The following TTC7A variants were observed in gnomAD, a reference collection of about 807,000 sequenced individuals.
TTC7A encodes the protein tetratricopeptide repeat domain 7A, also known as tetratricopeptide repeat protein 7A.
In TTC7A, 110 loss-of-function variants were observed where a neutral mutation model predicts 103.7. The observed-to-expected ratio is 1.06, with a 90% CI of 0.91 to 1.24. The LOEUF (loss-of-function observed/expected upper bound fraction) is 1.24, where lower values mean the gene tolerates loss of function less well. Ranked by LOEUF, TTC7A falls within the 50% of genes most tolerant of loss-of-function variation. The probability of loss-of-function intolerance (pLI) is 0.00; values close to 1 mark genes in which losing one functional copy is unlikely to be tolerated. For synonymous variants in TTC7A, 521 were observed against 467.9 expected (o/e 1.11, Z -1.47); for missense variants, 1,340 against 1,116.3 (o/e 1.20, Z -2.86).
intron 2 of TTC7A, among the ~76,000 whole-genome samples, chr2:46,935,241 A>T (rs1669919207): frequency 6.6e-6 from 1 of 152,006 alleles, no homozygotes; most frequent in Non-Finnish European, 1.5e-5. Flanking sequence ...CTCATTACAA[A>T]TGTGAGCCAT....
At chr2:47,055,052 G>T (rs1320485226) in intron 18 of TTC7A, among the ~76,000 whole-genome samples, 1 of 152,006 alleles carries the variant, frequency 6.6e-6, no homozygotes, top group Non-Finnish European at 1.5e-5. Flanking sequence ...CCAAGCACCT[G>T]TTGAATGGAG....
At chr2:46,926,999 A>C (rs768982073) in intron 2 of TTC7A, among the ~76,000 whole-genome samples, 20 of 152,258 alleles carry the variant, frequency 1.3e-4, no homozygotes, top group Non-Finnish European at 2.1e-4. Context: ...CAGTTTAGAC[A>C]CACGAAAAGA....
intron 1 of TTC7A, among the ~76,000 whole-genome samples, chr2:46,943,871 G>A (rs1670688504): frequency 6.6e-6 from 1 of 152,204 alleles, no homozygotes; most frequent in South Asian, 2.1e-4. Context: ...AGCGGTGTCT[G>A]ATATTTCCTA....
chr2:47,051,018 G>A (rs535885773), intron 17 of TTC7A, among the ~76,000 whole-genome samples: 7 of 152,266 alleles, frequency 4.6e-5, no homozygotes, highest in African/African-American at 1.2e-4. Flanking sequence ...GTCCTGAACC[G>A]GAGCCCATGT....
intron 18 of TTC7A, among the ~76,000 whole-genome samples, chr2:47,057,067 G>T (rs1683382470): frequency 6.6e-6 from 1 of 152,242 alleles, no homozygotes; most frequent in South Asian, 2.1e-4. Context: ...GTGGGTGGAT[G>T]CGGCGCCCCA....
chr2:46,987,809 CGTGTGTGT>C lies in TTC7A; in HGVS notation c.765-5614_765-5607del, dbSNP rs34664382. Among the ~76,000 whole-genome samples, 1,015 of 144,642 alleles carry C rather than the reference CGTGTGTGT, an allele frequency of 7.0e-3. 6 individuals carry two copies. The highest frequency in any genetic ancestry group is 7.4e-3 in the Admixed American group (108 of 14,578). The allele number at this position is 144,642 out of a possible 152,430, so 94.9% of individuals were successfully genotyped here. ...GGTGAAAGCACTGTCCCTTTCCGCG[CGTGTGTGT>C]GTGTGTGTGTGTGTGTGTGTGTGTG... On this transcript the variant is annotated intron_variant, in intron 5 of 19. Transcript: ENST00000319190.
intron 5 of TTC7A, among the ~76,000 whole-genome samples, chr2:46,984,204 G>A (rs1223145541): frequency 6.6e-6 from 1 of 152,232 alleles, no homozygotes; most frequent in East Asian, 1.9e-4. Context: ...CTTAGCTGGC[G>A]GTCTTATCTG....
intron 11 of TTC7A, among the ~76,000 whole-genome samples, chr2:47,015,456 A>G (rs1340258345): frequency 6.6e-6 from 1 of 152,158 alleles, no homozygotes; most frequent in Non-Finnish European, 1.5e-5. Flanking sequence ...GGTAGTGGAA[A>G]AGTGCATAGG....
At chr2:46,948,952 G>C (rs1671166016) in intron 1 of TTC7A, among the ~76,000 whole-genome samples, 1 of 152,188 alleles carries the variant, frequency 6.6e-6, no homozygotes. Flanking sequence ...CGATCCTGAT[G>C]GCTTCGCTGT....
intron 10 of TTC7A, among the ~76,000 whole-genome samples, chr2:47,008,498 A>G (rs1677668757): frequency 6.6e-6 from 1 of 152,196 alleles, no homozygotes; most frequent in Admixed American, 6.5e-5. Context: ...GCTCCTTCAC[A>G]GACCAGCAAG....
intron 5 of TTC7A, among the ~76,000 whole-genome samples, chr2:46,987,807 C>CGAGAGTGT (rs1234466462): frequency 1.8e-5 from 2 of 110,040 alleles, no homozygotes; most frequent in African/African-American, 6.9e-5. Flanking sequence ...TCCCTTTCCG[C>CGAGAGTGT]GCGTGTGTGT....
intron 8 of TTC7A, 137 bp downstream of exon 8, chr2:46,995,336 G>T: frequency 1.2e-6 from 1 of 841,712 alleles, no homozygotes; most frequent in South Asian, 1.6e-5. Context: ...ATGCTTCTTG[G>T]CCCTGGGCCC....
In TTC7A at chr2:46,941,715, T is replaced by A; in HGVS notation, c.174T>A (p.Phe58Leu). ...RRGSPSAAFT[F>L]PDTDDFGKLL... ...GCAGCCCGAGCGCAGCGTTCACCTTTCCGGACACCGGTGAGTAAGGGAAGA... is the reference window on the plus strand; with the variant it reads ...GCAGCCCGAGCGCAGCGTTCACCTTACCGGACACCGGTGAGTAAGGGAAGA... The change falls in exon 1 of 20, where the codon TTT becomes TTA. Residue 58 changes from phenylalanine to leucine, a missense_variant. Coordinates refer to ENST00000319190, the MANE Select transcript of TTC7A (RefSeq NM_020458.4). The surrounding 1 kb of genome is among the most constrained non-coding windows in gnomAD (Gnocchi z 4.2). The A allele has an allele frequency of 6.5e-7, 1 of 1,550,238 alleles. No individual in the cohort carries two copies. The highest frequency in any genetic ancestry group is 8.7e-7 in the Non-Finnish European group (1 of 1,147,134).
intron 19 of TTC7A, among the ~76,000 whole-genome samples, chr2:47,072,786 T>C (rs1684875322): frequency 7.4e-6 from 1 of 135,624 alleles, no homozygotes; most frequent in Non-Finnish European, 1.6e-5. Flanking sequence ...GAAGCAACCT[T>C]TGTGGGACCT....
intron 1 of TTC7A, among the ~76,000 whole-genome samples, chr2:46,948,961 G>C (rs1671166988): frequency 6.6e-6 from 1 of 152,238 alleles, no homozygotes; most frequent in African/African-American, 2.4e-5. Context: ...TGGCTTCGCT[G>C]TGGGGTAGTT....
chr2:46,989,799 CGTGTGTGTGTGTGTGTGCATCTGTGT>C (rs1217194083), intron 5 of TTC7A, among the ~76,000 whole-genome samples: 4 of 144,124 alleles, frequency 2.8e-5, no homozygotes, highest in African/African-American at 7.9e-5. Flanking sequence ...TCTTTAATTG[CGTGTGTGTGTGTGTGTGCATCTGTGT>C]GTGTGTGTGT....
intron 1 of TTC7A, among the ~76,000 whole-genome samples, chr2:46,949,633 A>G (rs913664142): frequency 6.6e-6 from 1 of 152,236 alleles, no homozygotes; most frequent in Non-Finnish European, 1.5e-5. Flanking sequence ...CAGAAAATGC[A>G]GGTATTCAAC....
chr2:46,938,060 C>T (rs537075250), upstream of TTC7A, among the ~76,000 whole-genome samples: 1 of 151,818 alleles, frequency 6.6e-6, no homozygotes, highest in Non-Finnish European at 1.5e-5. Context: ...GGCCTTAAAC[C>T]AGAAATAGGG....
chr2:47,024,262 C>G, intron 13 of TTC7A, 25 bp from the exon 14 acceptor site: 2 of 1,575,376 alleles, frequency 1.3e-6, no homozygotes, highest in East Asian at 4.8e-5. Flanking sequence ...TGGTGCCTGA[C>G]TTGTCACTCC....
Sources: allele counts gnomAD v4.1 joint callset (sites outside exome capture counted in the v4.1 genomes callset), GRCh38; gene constraint gnomAD v4.1.1; non-coding constraint Gnocchi (gnomAD v3.1); transcripts MANE v1.5; gene names NCBI Gene and HGNC (gene_info 2026-07-23, HGNC 2026-07-21).